SLC16A2: variants seen among roughly 807,000 people sequenced by gnomAD.
SLC16A2 encodes the protein monocarboxylate transporter 8.
A neutral mutation model predicts 27.2 loss-of-function variants in SLC16A2; 3 were observed. That is an observed-to-expected ratio of 0.11 (90% confidence interval 0.05 to 0.28). The LOEUF (loss-of-function observed/expected upper bound fraction) is 0.28, where lower values mean the gene tolerates loss of function less well. Among genes scored for constraint, SLC16A2 ranks in the 10% least tolerant of loss-of-function variants. The probability of loss-of-function intolerance (pLI) is 1.00; values close to 1 mark genes in which losing one functional copy is unlikely to be tolerated. For missense variants in SLC16A2, 295 were observed against 458.5 expected, an observed-to-expected ratio of 0.64 and a Z score of 3.26; for synonymous variants, 202 against 187.8, an observed-to-expected ratio of 1.08 and a Z score of -0.62.
In SLC16A2 at chrX:74,421,806, C is replaced by T; in HGVS notation, c.169C>T (p.Pro57Ser). 3 of 1,163,932 alleles carry T rather than the reference C, an allele frequency of 2.6e-6. No individual in the cohort carries two copies. The South Asian group carries it at 5.6e-5, about 22-fold the overall frequency. Reference protein sequence around the residue: ...PPPEPQPEPQPLPDPAPLPEL... With the variant: ...PPPEPQPEPQSLPDPAPLPEL... ...GCCCGAGCCCCAGCCGGAGCCCCAG[C>T]CCCTACCGGACCCCGCACCCCTGCC... Residue 57 changes from proline (P) to serine (S), a missense_variant, in exon 1 of 6, where the codon CCC becomes TCC. Pro to Ser is a moderately conservative substitution (Grantham distance 74). Coordinates refer to ENST00000587091, the MANE Select transcript of SLC16A2 (RefSeq NM_006517.5).
At chrX:74,489,833 C>G (rs926376339) in intron 1 of SLC16A2, among the ~76,000 whole-genome samples, 1 of 110,837 alleles carries the variant, frequency 9.0e-6, no homozygotes. Context: ...GGAAACAACT[C>G]TTAGGTGAAA....
chrX:74,506,976 A>G (rs1296073742), intron 1 of SLC16A2, among the ~76,000 whole-genome samples: 7 of 104,889 alleles, frequency 6.7e-5, no homozygotes, highest in Non-Finnish European at 9.6e-5. Context: ...TTTGTCACCC[A>G]GGCTGGAGTG....
At chrX:74,457,156 G>A (rs1003744061) in intron 1 of SLC16A2, among the ~76,000 whole-genome samples, 2 of 111,587 alleles carry the variant, frequency 1.8e-5, no homozygotes, top group African/African-American at 6.5e-5. Flanking sequence ...CAGACCAACC[G>A]AATCGTTGTC....
intron 3 of SLC16A2, among the ~76,000 whole-genome samples, chrX:74,525,539 C>T (rs764645811): frequency 1.1e-4 from 12 of 111,577 alleles, no homozygotes; most frequent in Non-Finnish European, 1.5e-4. Flanking sequence ...GAGGTACCCA[C>T]CCTCCTTAGC....
At chrX:74,456,485 G>T (rs1249513381) in intron 1 of SLC16A2, among the ~76,000 whole-genome samples, 1 of 110,975 alleles carries the variant, frequency 9.0e-6, no homozygotes. Context: ...TTATGGGATG[G>T]GAAAACTGGA....
chrX:74,521,258 G>T (rs1318827197), intron 2 of SLC16A2, 124 bp downstream of exon 2: 1 of 821,579 alleles, frequency 1.2e-6, no homozygotes, highest in Non-Finnish European at 1.8e-6. Context: ...GGCCCTCAAA[G>T]ATCCTGCACC....
intron 1 of SLC16A2, among the ~76,000 whole-genome samples, chrX:74,439,192 T>TTCTTTCTTTCTTTCTTTCTTTCTTTC (rs1273172256): frequency 2.7e-4 from 27 of 101,621 alleles, no homozygotes; most frequent in East Asian, 1.0e-3. Flanking sequence ...TTCTTTTTCT[T>TTCTTTCTTTCTTTCTTTCTTTCTTTC]TCTTTCTTTC....
At chrX:74,508,436 T>C (rs1930172602) in intron 1 of SLC16A2, among the ~76,000 whole-genome samples, 2 of 112,260 alleles carry the variant, frequency 1.8e-5, no homozygotes, top group Admixed American at 1.9e-4. Context: ...TATCCATAAG[T>C]ATTACAAATT....
chrX:74,452,033 A>G (rs1928952676), intron 1 of SLC16A2, among the ~76,000 whole-genome samples: 1 of 112,817 alleles, frequency 8.9e-6, no homozygotes. Context: ...TCAGAGCACA[A>G]TACGAGCTAA....
At chrX:74,440,884 T>C (rs1928732421) in intron 1 of SLC16A2, among the ~76,000 whole-genome samples, 1 of 110,500 alleles carries the variant, frequency 9.0e-6, no homozygotes, top group African/African-American at 3.3e-5. Flanking sequence ...CACTGAGTTG[T>C]GAACTCCTTA....
In SLC16A2 at chrX:74,524,740, C is replaced by A. The variant is rs1930463476; in HGVS notation, c.957C>A (p.Arg319=). 3 of 1,209,838 alleles carry A rather than the reference C, an allele frequency of 2.5e-6. No individual in the cohort carries two copies. The highest frequency in any genetic ancestry group is 3.5e-5 in the African/African-American group (2 of 57,085). The stretch of plus-strand genomic sequence containing the variant: ...TCAACATGCGAGTGTTCCGCCAACG[C>A]ACTTACCGCATCTGGGCCTTCGGAA... ...KYFNMRVFRQ[R]TYRIWAFGIA... The change falls in exon 3 of 6, where the codon CGC becomes CGA. Residue 319 remains arginine (R), a synonymous_variant. Coordinates refer to ENST00000587091, the MANE Select transcript of SLC16A2 (RefSeq NM_006517.5).
At chrX:74,454,250 A>T (rs909469093) in intron 1 of SLC16A2, among the ~76,000 whole-genome samples, 1 of 111,217 alleles carries the variant, frequency 9.0e-6, no homozygotes, top group Non-Finnish European at 1.9e-5. Flanking sequence ...GGATTATAAA[A>T]CATGCTGCTA....
intron 1 of SLC16A2, among the ~76,000 whole-genome samples, chrX:74,497,623 T>C (rs1929959866): frequency 9.2e-6 from 1 of 109,217 alleles, no homozygotes. Context: ...GCTGTGGGGA[T>C]GTGAAGTGTG....
chrX:74,450,000 C>T (rs963099860), intron 1 of SLC16A2, among the ~76,000 whole-genome samples: 8 of 112,162 alleles, frequency 7.1e-5, no homozygotes, highest in African/African-American at 2.6e-4. Context: ...ATCCTTCCTC[C>T]ACCACTAGTG....
intron 1 of SLC16A2, among the ~76,000 whole-genome samples, chrX:74,442,921 C>T (rs1460338882): frequency 8.9e-6 from 1 of 111,931 alleles, no homozygotes; most frequent in Non-Finnish European, 1.9e-5. Flanking sequence ...TGTGCCACTG[C>T]ACTCCATCCT....
At chrX:74,461,729 G>T (rs1205224144) in intron 1 of SLC16A2, among the ~76,000 whole-genome samples, 1 of 111,893 alleles carries the variant, frequency 8.9e-6, no homozygotes, top group Admixed American at 9.5e-5. Context: ...AGGATTGGTG[G>T]CTCTGGTATC....
At chrX:74,452,959 C>T (rs1310143826) in intron 1 of SLC16A2, among the ~76,000 whole-genome samples, 1 of 111,243 alleles carries the variant, frequency 9.0e-6, no homozygotes, top group Non-Finnish European at 1.9e-5. Context: ...ACTCATTGAA[C>T]TTACAGTTGC....
At chrX:74,473,352 A>G in intron 1 of SLC16A2, 1 of 544,285 alleles carries the variant, frequency 1.8e-6, no homozygotes, top group South Asian at 2.4e-5. Flanking sequence ...CAAAGTTTCC[A>G]GAACCACTTC....
chrX:74,499,676 C>G (rs1452203093), intron 1 of SLC16A2, among the ~76,000 whole-genome samples: 1 of 111,088 alleles, frequency 9.0e-6, no homozygotes, highest in African/African-American at 3.3e-5. Context: ...CTAGTCTCAA[C>G]CTCTGGGCCT....
Sources: gnomAD v4.1 joint callset for allele counts (sites outside exome capture counted in the v4.1 genomes callset) on GRCh38, gnomAD v4.1.1 for gene constraint, MANE v1.5 for transcripts, NCBI Gene and HGNC (gene_info 2026-07-23, HGNC 2026-07-21) for gene names.